The following FAM169A variants were observed in gnomAD, a reference collection of about 807,000 sequenced individuals.
FAM169A encodes the protein soluble lamin-associated protein of 75 kDa.
A neutral mutation model predicts 75.7 loss-of-function variants in FAM169A; 24 were observed. The ratio of observed to expected loss-of-function variants is 0.32; its 90% CI spans 0.23 to 0.45. FAM169A has a LOEUF of 0.45. Among genes scored for constraint, FAM169A ranks in the 20% least tolerant of loss-of-function variants. The pLI, the probability that FAM169A is intolerant of heterozygous loss-of-function variation, is 1.00. For missense variants in FAM169A, 673 were observed against 784.0 expected (o/e 0.86, Z 1.69); for synonymous variants, 271 against 271.0 (o/e 1.00, Z 0.00).
chr5:74,794,794 A>C (rs1406154589), intron 11 of FAM169A, among the ~76,000 whole-genome samples: 2 of 151,570 alleles, frequency 1.3e-5, no homozygotes, highest in South Asian at 4.2e-4. Flanking sequence ...AAAAAAAAAA[A>C]ACAAACACAA....
chr5:74,800,998 G>C lies in FAM169A; in HGVS notation c.985C>G (p.Arg329Gly), dbSNP rs776227016. 7 of 1,563,530 alleles carry C rather than the reference G, an allele frequency of 4.5e-6. No homozygotes were observed. Among genetic ancestry groups the C allele is most frequent in the Middle Eastern group, 1.7e-4 (1 of 5,920 alleles). The change falls in exon 10 of 13, where the codon CGA (arginine) becomes GGA (glycine). Residue 329 changes from arginine to glycine, a missense_variant. This residue lies in a region of FAM169A where 510 missense variants were observed against 550.9 expected (regional missense o/e 0.93). Transcript: ENST00000687041. Reference sequence around the variant, plus strand: ...TTTGGCCGCTTTAGATTACCACTTCGAGTATGAGTGGAAACAGATGTTTTA... The same window carrying C: ...TTTGGCCGCTTTAGATTACCACTTCCAGTATGAGTGGAAACAGATGTTTTA... ...HDKTSVSTHT[R>G]SGNLKRPKIG...
chr5:74,810,584 C>A (rs1253083014), intron 6 of FAM169A, among the ~76,000 whole-genome samples: 2 of 151,500 alleles, frequency 1.3e-5, no homozygotes, highest in Non-Finnish European at 2.9e-5. Context: ...CCTGTCTCTA[C>A]TAAAAATACA....
intron 1 of FAM169A, among the ~76,000 whole-genome samples, chr5:74,852,649 CACCGAGAACGGCAAGTAGTTGGATTT>C (rs1234757831): frequency 6.6e-6 from 1 of 151,844 alleles, no homozygotes; most frequent in Non-Finnish European, 1.5e-5. Context: ...ACTGAAAGTA[CACCGAGAACGGCAAGTAGTTGGATTT>C]ACCAAGAGAG....
At chr5:74,820,619 A>T (rs1747723531) in intron 5 of FAM169A, among the ~76,000 whole-genome samples, 2 of 152,046 alleles carry the variant, frequency 1.3e-5, no homozygotes, top group Non-Finnish European at 2.9e-5. Flanking sequence ...CCCTTGTCTA[A>T]GCTACTGTCA....
rs267600686 is a variant in FAM169A at position 74,813,999 on chromosome 5, G to A, written c.511C>T (p.Leu171Phe). Reference protein sequence around the residue: ...KPTGSICASFLTQSYQLPVLD... With the variant: ...KPTGSICASFFTQSYQLPVLD... ...ACTGGCAATTGGTAACTTTGGGTAAGAAAAGAGGCACATATGCTTCCTGCA... is the reference window on the plus strand; with the variant it reads ...ACTGGCAATTGGTAACTTTGGGTAAAAAAAGAGGCACATATGCTTCCTGCA... Residue 171 changes from leucine (L) to phenylalanine (F), a missense_variant, in exon 6 of 13, where the codon CTT (leucine) becomes TTT (phenylalanine). Transcript: ENST00000687041. The A allele has an allele frequency of 1.3e-6, 2 of 1,580,512 alleles. No homozygotes were observed. The highest frequency in any genetic ancestry group is 1.7e-6 in the Non-Finnish European group (2 of 1,168,472).
intron 11 of FAM169A, among the ~76,000 whole-genome samples, chr5:74,786,874 A>T (rs747324255): frequency 1.3e-5 from 2 of 152,194 alleles, no homozygotes; most frequent in Non-Finnish European, 1.5e-5. Flanking sequence ...GGGACCCTGC[A>T]ACTTGGAATG....
At chr5:74,853,974 G>A (rs1029399425) in intron 1 of FAM169A, among the ~76,000 whole-genome samples, 2 of 151,800 alleles carry the variant, frequency 1.3e-5, no homozygotes, top group African/African-American at 4.8e-5. Flanking sequence ...AACTGATGAA[G>A]TAAAATGCCT....
intron 5 of FAM169A, among the ~76,000 whole-genome samples, chr5:74,825,985 T>G (rs1002830785): frequency 3.3e-5 from 5 of 152,116 alleles, no homozygotes; most frequent in Non-Finnish European, 5.9e-5. Context: ...TATTGGTGAT[T>G]TTTTCTCCTC....
chr5:74,847,361 C>A (rs956492792), intron 1 of FAM169A, among the ~76,000 whole-genome samples: 1 of 149,480 alleles, frequency 6.7e-6, no homozygotes, highest in East Asian at 2.0e-4. Flanking sequence ...ATTCTAGGAA[C>A]ATTTTAAGTG....
At chr5:74,803,003 CAA>C (rs1283084806) in intron 8 of FAM169A, among the ~76,000 whole-genome samples, 2 of 151,896 alleles carry the variant, frequency 1.3e-5, no homozygotes, top group African/African-American at 4.8e-5. Context: ...TGGCTACTAA[CAA>C]AAAGAGATAT....
chr5:74,824,636 G>T (rs78110701), intron 5 of FAM169A, among the ~76,000 whole-genome samples: 2 of 147,864 alleles, frequency 1.4e-5, no homozygotes, highest in African/African-American at 2.5e-5. Context: ...ACATTGTTTA[G>T]AATACAATAG....
chr5:74,851,456 T>C (rs1156594736), intron 1 of FAM169A, among the ~76,000 whole-genome samples: 2 of 152,212 alleles, frequency 1.3e-5, no homozygotes, highest in Admixed American at 6.5e-5. Context: ...AAATACATAC[T>C]GAATTACCAC....
chr5:74,840,734 C>T (rs1156262585), intron 2 of FAM169A, among the ~76,000 whole-genome samples: 2 of 150,910 alleles, frequency 1.3e-5, no homozygotes, highest in Non-Finnish European at 2.9e-5. Context: ...GAGGCTAAGG[C>T]AGGAGAATGG....
At chr5:74,864,099 T>A (rs1480499933) in intron 1 of FAM169A, among the ~76,000 whole-genome samples, 1 of 152,244 alleles carries the variant, frequency 6.6e-6, no homozygotes, top group Non-Finnish European at 1.5e-5. Context: ...TAATCACTTG[T>A]TTGAAGACAA....
At chr5:74,855,250 C>T (rs543395426) in intron 1 of FAM169A, among the ~76,000 whole-genome samples, 4 of 152,286 alleles carry the variant, frequency 2.6e-5, no homozygotes, top group African/African-American at 4.8e-5. Context: ...GGCTGGAATG[C>T]GGTGGCACAA....
At chr5:74,801,768 AT>A (rs1746592666) in intron 8 of FAM169A, 139 bp from the exon 9 acceptor site, 1 of 671,926 alleles carries the variant, frequency 1.5e-6, no homozygotes, top group South Asian at 1.7e-5. Context: ...TACTTTAAAA[AT>A]AAAAAGGTTA....
Position 74,783,059 on chromosome 5 carries a change from C to T in FAM169A, c.1336G>A (p.Asp446Asn), listed in dbSNP as rs1456004709. 1 of 1,611,906 alleles carries T rather than the reference C, an allele frequency of 6.2e-7. No homozygotes were observed. The highest frequency in any genetic ancestry group is 8.5e-7 in the Non-Finnish European group (1 of 1,177,964). The change falls in exon 12 of 13, where the codon GAC becomes AAC. Residue 446 changes from aspartate to asparagine, a missense_variant. Transcript: ENST00000687041. ...LKTSLITEEE[D>N]STSEVLDEEL... Reference sequence around the variant, plus strand: ...TCATCTAAAACTTCACTAGTGGAGTCTTCCTCTTCTGTTATAAGTGAGGTC... The same window carrying T: ...TCATCTAAAACTTCACTAGTGGAGTTTTCCTCTTCTGTTATAAGTGAGGTC...
At chr5:74,847,986 C>T (rs572145520) in intron 1 of FAM169A, among the ~76,000 whole-genome samples, 5 of 152,130 alleles carry the variant, frequency 3.3e-5, no homozygotes, top group South Asian at 2.1e-4. Context: ...TTTCTGAACA[C>T]GGTTTAAAAA....
At chr5:74,857,594 A>AC (rs1554053976) in intron 1 of FAM169A, among the ~76,000 whole-genome samples, 6 of 135,580 alleles carry the variant, frequency 4.4e-5, no homozygotes, top group African/African-American at 8.7e-5. Context: ...AAAAAAAAAA[A>AC]AAAAAAAAAA....
Sources: allele counts gnomAD v4.1 joint callset (sites outside exome capture counted in the v4.1 genomes callset), GRCh38; gene constraint gnomAD v4.1.1; regional missense constraint gnomAD v4.1.1; transcripts MANE v1.5; gene names NCBI Gene and HGNC (gene_info 2026-07-23, HGNC 2026-07-21).